Variants in NLGN1 observed in about 807,000 individuals in gnomAD.
The protein encoded by NLGN1 is neuroligin-1.
NLGN1 carries 12 observed loss-of-function variants against 65.5 expected under a neutral mutation model. The ratio of observed to expected loss-of-function variants is 0.18; its 90% CI spans 0.12 to 0.30. The LOEUF (loss-of-function observed/expected upper bound fraction) is 0.30. Among genes scored for constraint, NLGN1 ranks in the 10% least tolerant of loss-of-function variants. The pLI, the probability that NLGN1 is intolerant of heterozygous loss-of-function variation, is 1.00. For missense variants in NLGN1, 750 were observed against 1,007.1 expected, an observed-to-expected ratio of 0.74 and a Z score of 3.46; for synonymous variants, 350 against 359.5, an observed-to-expected ratio of 0.97 and a Z score of 0.30.
At chr3:173,753,974 T>TATAATATAATATAATA (rs1560301629) in intron 3 of NLGN1, among the ~76,000 whole-genome samples, 1 of 146,844 alleles carries the variant, frequency 6.8e-6, no homozygotes, top group Admixed American at 6.8e-5. Context: ...TATAATATAA[T>TATAATATAATATAATA]ATCTACTCAG....
rs62292082 is a variant in NLGN1 at position 173,918,662 on chromosome 3, G to A, written c.646+110830G>A. Among the ~76,000 whole-genome samples the A allele has an allele frequency of 2.5e-3, 79 of 31,316 alleles. No individual in the cohort carries two copies. The South Asian group carries it at 0.036, about 14-fold the overall frequency. 20.5% of individuals were successfully genotyped at this position (31,316 alleles called of 152,430 possible). On this transcript the variant is annotated intron_variant, in intron 4 of 6. Coordinates refer to ENST00000457714, the Ensembl canonical transcript of NLGN1. ...AAAAAAAAAAAAAAGAAATACATATGTGTGTGTGTGTGTGTGTGTGTGTGT... is the reference window on the plus strand; with the variant it reads ...AAAAAAAAAAAAAAGAAATACATATATGTGTGTGTGTGTGTGTGTGTGTGT...
chr3:174,101,717 A>C (rs1712537019), intron 4 of NLGN1, among the ~76,000 whole-genome samples: 1 of 152,186 alleles, frequency 6.6e-6, no homozygotes, highest in South Asian at 2.1e-4. Context: ...TAGTGCCCAC[A>C]CTATAGATTC....
intron 4 of NLGN1, among the ~76,000 whole-genome samples, chr3:174,217,999 A>C (rs1365735068): frequency 6.6e-6 from 1 of 152,118 alleles, no homozygotes; most frequent in Non-Finnish European, 1.5e-5. Context: ...AAAGTAAATT[A>C]AGTCAATGAA....
In NLGN1 at chr3:173,510,577, T is replaced by C. The variant is rs148332682; in HGVS notation, c.-321+75499T>C. The stretch of plus-strand genomic sequence containing the variant: ...TGCCCAGATGTTGGAAATGTATTAA[T>C]TATCGTATTGGCTCTTGGGCCTAGT... On this transcript the variant is annotated intron_variant, in intron 2 of 6. Coordinates refer to ENST00000457714, the Ensembl canonical transcript of NLGN1. 2.8e-3 allele frequency among the ~76,000 whole-genome samples: 428 copies of C among 152,312 alleles called. 4 individuals carry two copies. The highest frequency in any genetic ancestry group is 9.5e-3 in the African/African-American group (396 of 41,576).
chr3:174,194,515 T>C (rs1014492572), intron 4 of NLGN1, among the ~76,000 whole-genome samples: 2 of 151,800 alleles, frequency 1.3e-5, no homozygotes, highest in South Asian at 2.1e-4. Flanking sequence ...AATCCACCTA[T>C]ATACACTTCT....
intron 3 of NLGN1, among the ~76,000 whole-genome samples, chr3:173,681,089 T>C (rs1414989035): frequency 6.6e-6 from 1 of 152,194 alleles, no homozygotes; most frequent in Non-Finnish European, 1.5e-5. Context: ...ATCAAATGCA[T>C]GATGATTGGA....
At chr3:173,906,647 A>G (rs1359731700) in intron 4 of NLGN1, among the ~76,000 whole-genome samples, 2 of 152,108 alleles carry the variant, frequency 1.3e-5, no homozygotes, top group East Asian at 3.9e-4. Flanking sequence ...TACTTTTTCT[A>G]TAACACTATA....
chr3:173,397,406 G>A (rs149116997), upstream of NLGN1, among the ~76,000 whole-genome samples: 7 of 152,218 alleles, frequency 4.6e-5, no homozygotes, highest in East Asian at 1.4e-3. Context: ...TTGGGGAGAT[G>A]TGGGAACTTC....
chr3:173,600,592 C>CTTTTTTTTTTTTTTTTTTTTTGTT lies in NLGN1; in HGVS notation c.-320-3678_-320-3677insTTTTTTTTTTTTGTTTTTTTTTTT, dbSNP rs150984290. 1.9e-5 allele frequency among the ~76,000 whole-genome samples: 2 copies of CTTTTTTTTTTTTTTTTTTTTTGTT among 103,478 alleles called. 1 individual carries two copies. The highest frequency in any genetic ancestry group is 3.9e-5 in the Non-Finnish European group (2 of 51,730). The allele number at this position is 103,478 out of a possible 152,430, so 67.9% of individuals were successfully genotyped here. A position where few individuals can be genotyped will look rare whatever the true frequency, so the allele number is the denominator to read the frequency against. Reference sequence around the variant, plus strand: ...AAGCAAGGTAGAAATAAAAACATATCTTTTTTTTTAGAAAAAGATATGTAA... The same window carrying CTTTTTTTTTTTTTTTTTTTTTGTT: ...AAGCAAGGTAGAAATAAAAACATATCTTTTTTTTTTTTTTTTTTTTTGTTTTTTTTTTTAGAAAAAGATATGTAA... On this transcript the variant is annotated intron_variant, in intron 2 of 6. Transcript: ENST00000457714.
intron 4 of NLGN1, among the ~76,000 whole-genome samples, chr3:173,808,987 C>A (rs1437355586): frequency 6.6e-6 from 1 of 152,028 alleles, no homozygotes; most frequent in Non-Finnish European, 1.5e-5. Flanking sequence ...TTTTGTGAAT[C>A]AAGTTTATAG....
At chr3:174,292,227 T>C in the NLGN1 span, among the ~76,000 whole-genome samples, 1 of 151,256 alleles carries the variant, frequency 6.6e-6, no homozygotes, top group African/African-American at 2.4e-5. Context: ...ATCAAGCTAG[T>C]AGCAATGAGC....
At chr3:173,945,219 AG>A (rs764286695) in intron 4 of NLGN1, among the ~76,000 whole-genome samples, 1 of 151,864 alleles carries the variant, frequency 6.6e-6, no homozygotes, top group African/African-American at 2.4e-5. Flanking sequence ...CTCCCTTTAG[AG>A]GGGGTGGTGG....
At chr3:174,129,273 C>T (rs1719633077) in intron 4 of NLGN1, among the ~76,000 whole-genome samples, 1 of 151,292 alleles carries the variant, frequency 6.6e-6, no homozygotes, top group Non-Finnish European at 1.5e-5. Flanking sequence ...GTAAAAATCT[C>T]GTTTTGTATG....
rs1019125341 is a variant in NLGN1 at position 173,850,981 on chromosome 3, G to A, written c.646+43149G>A. On this transcript the variant is annotated intron_variant, in intron 4 of 6. Transcript: ENST00000457714. ...GCTGTTCTCAAACCCCTGAGCTCAAGCAATCCTCCTGCTTCAGCCTCCCAA... is the reference window on the plus strand; with the variant it reads ...GCTGTTCTCAAACCCCTGAGCTCAAACAATCCTCCTGCTTCAGCCTCCCAA... Among the ~76,000 whole-genome samples, 3 of 152,040 alleles carry A rather than the reference G, an allele frequency of 2.0e-5. No homozygotes were observed. The East Asian group carries it at 5.8e-4, about 29-fold the overall frequency.
intron 2 of NLGN1, among the ~76,000 whole-genome samples, chr3:173,467,000 C>T (rs773119516): frequency 2.6e-5 from 4 of 151,862 alleles, no homozygotes; most frequent in East Asian, 3.9e-4. Context: ...CAAAATAATA[C>T]GTGATCATTA....
intron 4 of NLGN1, among the ~76,000 whole-genome samples, chr3:173,848,908 T>G (rs1467345669): frequency 6.6e-5 from 10 of 152,184 alleles, no homozygotes. Flanking sequence ...AGATTTCTTT[T>G]TAAACAAAAC....
rs150455722 is a variant in NLGN1, at chr3:173,729,732, T to C, written c.494-77948T>C. On this transcript the variant is annotated intron_variant, in intron 3 of 6. Coordinates refer to ENST00000457714, the Ensembl canonical transcript of NLGN1. ...TTAAAAATAGCTTTATTGTTATAGT[T>C]GTATATATTAAAGGTGAATGCATTG... Among the ~76,000 whole-genome samples, 20 of 152,200 alleles carry C rather than the reference T, an allele frequency of 1.3e-4. No individual in the cohort carries two copies. The East Asian group carries it at 3.9e-3, about 29-fold the overall frequency.
intron 3 of NLGN1, among the ~76,000 whole-genome samples, chr3:173,727,702 A>C (rs1299679337): frequency 6.6e-6 from 1 of 152,124 alleles, no homozygotes; most frequent in African/African-American, 2.4e-5. Context: ...TTTATCCTTT[A>C]TTCATGGAAG....
intron 4 of NLGN1, among the ~76,000 whole-genome samples, chr3:174,146,819 C>G (rs1723372218): frequency 6.6e-6 from 1 of 152,146 alleles, no homozygotes; most frequent in Non-Finnish European, 1.5e-5. Context: ...CCACCCGCCT[C>G]TGCCTGCCAA....
Sources: allele counts gnomAD v4.1 joint callset (sites outside exome capture counted in the v4.1 genomes callset), GRCh38; gene constraint gnomAD v4.1.1; transcripts MANE v1.5; gene names NCBI Gene and HGNC (gene_info 2026-07-23, HGNC 2026-07-21).